Variants in GPC6 observed in about 807,000 individuals in gnomAD.
GPC6 encodes glypican-6.
Under a neutral mutation model 55.2 loss-of-function variants are expected in GPC6, and 14 were observed. The ratio of observed to expected loss-of-function variants is 0.25; its 90% CI spans 0.17 to 0.40. The LOEUF is 0.40. Among genes scored for constraint, GPC6 ranks in the 10% least tolerant of loss-of-function variants. GPC6 has a pLI of 1.00. For synonymous variants in GPC6, 278 were observed against 259.6 expected, an observed-to-expected ratio of 1.07 and a Z score of -0.68; for missense variants, 641 against 708.5, an observed-to-expected ratio of 0.90 and a Z score of 1.08.
rs114321885 is a variant in GPC6 at position 94,322,751 on chromosome 13, C to T, written c.1152+16628C>T. ...AAATTGGCCATATTTGTGGCAGCCT[C>T]AGGTGCTAGGCTCCACAAAAGCAGC... is the stretch of plus-strand genomic sequence containing the variant. On this transcript the variant is annotated intron_variant, in intron 6 of 8. Coordinates refer to ENST00000377047, the MANE Select transcript of GPC6 (RefSeq NM_005708.5). 8.4e-3 allele frequency among the ~76,000 whole-genome samples: 1,275 copies of T among 152,204 alleles called. 17 individuals are homozygous for T. Among genetic ancestry groups the T allele is most frequent in the African/African-American group, 0.028 (1,179 of 41,530 alleles).
rs1159666989 is a variant in GPC6, at chr13:94,165,005, A to G, written c.878-121344A>G. On this transcript the variant is annotated intron_variant, in intron 4 of 8. Coordinates refer to ENST00000377047, the MANE Select transcript of GPC6 (RefSeq NM_005708.5). Reference sequence around the variant, plus strand: ...GAGTGTGGAGATTTTTTAAAGAACTAAAAGTAGAACTACCATTCAATCCAG... The same window carrying G: ...GAGTGTGGAGATTTTTTAAAGAACTGAAAGTAGAACTACCATTCAATCCAG... 4.6e-5 allele frequency among the ~76,000 whole-genome samples: 7 copies of G among 152,068 alleles called. No individual in the cohort carries two copies. The South Asian group carries it at 1.5e-3, about 32-fold the overall frequency.
At chr13:94,091,793 G>A (rs1195599025) in intron 4 of GPC6, among the ~76,000 whole-genome samples, 2 of 151,842 alleles carry the variant, frequency 1.3e-5, no homozygotes, top group African/African-American at 4.8e-5. Context: ...GAATTATAGA[G>A]TCACTAAAAT....
chr13:93,954,039 T>C (rs991354461), intron 3 of GPC6, among the ~76,000 whole-genome samples: 1 of 152,160 alleles, frequency 6.6e-6, no homozygotes, highest in Non-Finnish European at 1.5e-5. Flanking sequence ...GAAAGCTCTT[T>C]GCCCAAGAAG....
intron 2 of GPC6, among the ~76,000 whole-genome samples, chr13:93,654,596 G>A (rs974655016): frequency 3.2e-4 from 49 of 152,190 alleles, no homozygotes; most frequent in African/African-American, 1.1e-3. Flanking sequence ...TCAAAGTGCT[G>A]GGATTACAAA....
In GPC6 at chr13:94,157,206, G is replaced by A. The variant is rs185681465; in HGVS notation, c.878-129143G>A. Among the ~76,000 whole-genome samples, 231 of 152,206 alleles carry A rather than the reference G, an allele frequency of 1.5e-3. 1 individual carries two copies. The highest frequency in any genetic ancestry group is 0.01 in the Middle Eastern group (3 of 294). Reference sequence around the variant, plus strand: ...GCCTTAGCATTCTCATCTATAAAAGGGAATGTGTCCCTTCTTCATAAAGCT... The same window carrying A: ...GCCTTAGCATTCTCATCTATAAAAGAGAATGTGTCCCTTCTTCATAAAGCT... On this transcript the variant is annotated intron_variant, in intron 4 of 8. Transcript: ENST00000377047.
intron 2 of GPC6, among the ~76,000 whole-genome samples, chr13:93,716,779 A>G (rs1883266449): frequency 6.6e-6 from 1 of 151,652 alleles, no homozygotes; most frequent in Admixed American, 6.6e-5. Context: ...AGGCCTTCAC[A>G]TTCACTCATA....
chr13:93,978,768 G>A (rs1880639229), intron 3 of GPC6, among the ~76,000 whole-genome samples: 2 of 151,872 alleles, frequency 1.3e-5, no homozygotes, highest in South Asian at 4.2e-4. Context: ...CTCCTACAAA[G>A]GTAAGACTTA....
intron 6 of GPC6, among the ~76,000 whole-genome samples, chr13:94,382,041 G>C (rs906262830): frequency 1.3e-5 from 2 of 152,212 alleles, no homozygotes; most frequent in African/African-American, 4.8e-5. Flanking sequence ...TGGTACAGTT[G>C]TCTGACATGC....
intron 2 of GPC6, among the ~76,000 whole-genome samples, chr13:93,784,862 G>C (rs1457171262): frequency 6.6e-6 from 1 of 152,122 alleles, no homozygotes; most frequent in Non-Finnish European, 1.5e-5. Context: ...GTGTCTAAAT[G>C]CTATGGGGTT....
chr13:94,227,034 G>T (rs1193072249), intron 4 of GPC6, among the ~76,000 whole-genome samples: 2 of 152,178 alleles, frequency 1.3e-5, no homozygotes, highest in East Asian at 3.9e-4. Context: ...CTGTAAAATG[G>T]TGGAATTCTC....
chr13:94,287,218 C>A (rs1188836434), intron 5 of GPC6, among the ~76,000 whole-genome samples: 1 of 152,148 alleles, frequency 6.6e-6, no homozygotes, highest in African/African-American at 2.4e-5. Context: ...TGCACAATGC[C>A]CTTCTGTTCT....
chr13:93,269,661 C>A (rs1877443186), intron 1 of GPC6, among the ~76,000 whole-genome samples: 2 of 151,502 alleles, frequency 1.3e-5, no homozygotes, highest in African/African-American at 2.4e-5. Context: ...CACGGTGGCT[C>A]ACGCCTGTAA....
intron 1 of GPC6, among the ~76,000 whole-genome samples, chr13:93,229,572 T>C (rs1462508199): frequency 6.6e-6 from 1 of 152,234 alleles, no homozygotes; most frequent in Non-Finnish European, 1.5e-5. Flanking sequence ...TGAATGTTTG[T>C]TGAGAACATT....
intron 2 of GPC6, among the ~76,000 whole-genome samples, chr13:93,827,606 A>G (rs1887311313): frequency 6.6e-6 from 1 of 152,204 alleles, no homozygotes; most frequent in African/African-American, 2.4e-5. Context: ...ATTTTTAACA[A>G]GAAATAATAA....
chr13:94,152,558 A>G (rs142736960), intron 4 of GPC6, among the ~76,000 whole-genome samples: 1 of 152,250 alleles, frequency 6.6e-6, no homozygotes, highest in East Asian at 1.9e-4. Context: ...TAATAGGAAG[A>G]GCATTACTGA....
chr13:94,263,541 G>A (rs1186736209), intron 4 of GPC6, among the ~76,000 whole-genome samples: 1 of 152,122 alleles, frequency 6.6e-6, no homozygotes, highest in Non-Finnish European at 1.5e-5. Context: ...ATCCAAGCCA[G>A]ATAAAAGCAG....
At chr13:93,319,575 A>AT (rs35187521) in intron 1 of GPC6, among the ~76,000 whole-genome samples, 29,928 of 152,136 alleles carry the variant, frequency 0.2, 3,185 homozygotes, top group Non-Finnish European at 0.24. Context: ...GCATTTGAGC[A>AT]TTAAGGGTGT....
intron 3 of GPC6, among the ~76,000 whole-genome samples, chr13:94,017,652 C>T (rs1328463316): frequency 1.3e-5 from 2 of 151,966 alleles, no homozygotes; most frequent in East Asian, 3.9e-4. Context: ...AATCTGTGAG[C>T]AGAGAGAGTT....
intron 2 of GPC6, among the ~76,000 whole-genome samples, chr13:93,673,173 G>A (rs1228858103): frequency 6.6e-6 from 1 of 152,132 alleles, no homozygotes; most frequent in African/African-American, 2.4e-5. Context: ...AGGAGGCAGA[G>A]CATGAGTCCC....
Sources: gnomAD v4.1 joint callset for allele counts (sites outside exome capture counted in the v4.1 genomes callset) on GRCh38, gnomAD v4.1.1 for gene constraint, MANE v1.5 for transcripts, NCBI Gene and HGNC (gene_info 2026-07-23, HGNC 2026-07-21) for gene names.